UIMC1: variants seen among roughly 807,000 people sequenced by gnomAD.
UIMC1 encodes the protein ubiquitin interaction motif containing 1.
Under a neutral mutation model 84.9 loss-of-function variants are expected in UIMC1, and 42 were observed. The observed-to-expected ratio is 0.49, with a 90% CI of 0.39 to 0.64. The LOEUF is 0.64. Ranked by LOEUF, UIMC1 falls within the 30% of genes least tolerant of loss-of-function variation. The pLI is 0.00. For synonymous variants in UIMC1, 281 were observed against 293.0 expected, an observed-to-expected ratio of 0.96 and a Z score of 0.42; for missense variants, 825 against 847.6, an observed-to-expected ratio of 0.97 and a Z score of 0.33.
intron 9 of UIMC1, among the ~76,000 whole-genome samples, chr5:176,944,884 C>G (rs1764890127): frequency 6.6e-6 from 1 of 152,190 alleles, no homozygotes; most frequent in Non-Finnish European, 1.5e-5. Flanking sequence ...TGAGTTCTTA[C>G]ACTATGCAGG....
At position 176,943,600 on chromosome 5, in the gene UIMC1, A is replaced by G. The variant is rs1764720958; in HGVS notation, c.1444-112T>C. 4 of 1,320,686 alleles carry G rather than the reference A, an allele frequency of 3.0e-6. No individual in the cohort carries two copies. In the South Asian group the frequency reaches 4.2e-5, roughly 14 times the overall value. The allele number at this position is 1,320,686 out of a possible 1,614,324, so 81.8% of individuals were successfully genotyped here. On this transcript the variant is annotated intron_variant, in intron 9 of 14. Transcript: ENST00000511320. ...CACTTACTTTCAAAGAGACAACAACAGCTTATCAAATTCAGGAGTAAAGAT... is the reference window on the plus strand; with the variant it reads ...CACTTACTTTCAAAGAGACAACAACGGCTTATCAAATTCAGGAGTAAAGAT...
intron 9 of UIMC1, among the ~76,000 whole-genome samples, chr5:176,949,065 T>C (rs1254149148): frequency 1.3e-5 from 2 of 152,046 alleles, no homozygotes; most frequent in Admixed American, 1.3e-4. Context: ...CTTGGTCTAG[T>C]AGTTAAAACT....
intron 8 of UIMC1, among the ~76,000 whole-genome samples, chr5:176,952,768 G>C (rs1050105075): frequency 6.6e-6 from 1 of 152,098 alleles, no homozygotes; most frequent in African/African-American, 2.4e-5. Context: ...CTGCACTCCA[G>C]CCTGAGTTAC....
Position 176,907,090 on chromosome 5 carries a change from G to C in UIMC1, c.1912+24C>G, listed in dbSNP as rs1007687553. ...CTGAAAGGCCTTAGGCAGAAGCCCAGAAAACTGGTCCTGGGGTCCTCACCT... is the reference window on the plus strand; with the variant it reads ...CTGAAAGGCCTTAGGCAGAAGCCCACAAAACTGGTCCTGGGGTCCTCACCT... On this transcript the variant is annotated intron_variant, in intron 13 of 14. Coordinates refer to ENST00000511320, the MANE Select transcript of UIMC1 (RefSeq NM_001199298.2). The C allele has an allele frequency of 1.9e-6, 3 of 1,612,544 alleles. No individual in the cohort carries two copies. In the African/African-American group the frequency reaches 4.0e-5, roughly 22 times the overall value.
intron 2 of UIMC1, chr5:176,980,235 A>G (rs559180936): frequency 6.6e-6 from 1 of 152,258 alleles, no homozygotes; most frequent in African/African-American, 2.4e-5. Context: ...TGAATGAGCC[A>G]ATTCCCCTAA....
chr5:176,999,814 A>C (rs1774181770), intron 1 of UIMC1, among the ~76,000 whole-genome samples: 1 of 152,204 alleles, frequency 6.6e-6, no homozygotes, highest in African/African-American at 2.4e-5. Context: ...TGATGGACAC[A>C]GATTGATTCC....
intron 2 of UIMC1, among the ~76,000 whole-genome samples, chr5:176,981,850 T>C (rs900264181): frequency 8.6e-5 from 13 of 151,988 alleles, no homozygotes; most frequent in African/African-American, 3.1e-4. Flanking sequence ...ATGACTTAAT[T>C]CACTGCCTTT....
intron 3 of UIMC1, among the ~76,000 whole-genome samples, chr5:176,971,505 G>A (rs78436493): frequency 3.9e-5 from 6 of 152,284 alleles, no homozygotes; most frequent in Admixed American, 2.0e-4. Flanking sequence ...GAGTCATATC[G>A]AAAGAACTTA....
Position 176,923,259 on chromosome 5 carries a change from C to A in UIMC1, c.1598-11870G>T, listed in dbSNP as rs1217975406. 2.6e-5 allele frequency among the ~76,000 whole-genome samples: 4 copies of A among 152,118 alleles called. No homozygotes were observed. In the East Asian group the frequency reaches 7.7e-4, roughly 29 times the overall value. ...GCATGACCCAATGGTATGCTGTCTA[C>A]AGGAGACACATTTTAAAAATAAAAA... On this transcript the variant is annotated intron_variant, in intron 10 of 14. Coordinates refer to ENST00000511320, the MANE Select transcript of UIMC1 (RefSeq NM_001199298.2).
chr5:176,952,851 T>G (rs1032614739), intron 8 of UIMC1, among the ~76,000 whole-genome samples: 1 of 151,932 alleles, frequency 6.6e-6, no homozygotes, highest in African/African-American at 2.4e-5. Context: ...TCACTTAATA[T>G]AACAACAATA....
intron 10 of UIMC1, among the ~76,000 whole-genome samples, chr5:176,928,431 C>A (rs1762656488): frequency 6.6e-6 from 1 of 152,162 alleles, no homozygotes; most frequent in African/African-American, 2.4e-5. Flanking sequence ...GACACAATAA[C>A]TGTTAACAAT....
intron 9 of UIMC1, among the ~76,000 whole-genome samples, chr5:176,944,821 G>T (rs1467703362): frequency 3.9e-5 from 6 of 152,160 alleles, no homozygotes; most frequent in Non-Finnish European, 8.8e-5. Flanking sequence ...TTTATTAAAA[G>T]ACATACTCTA....
At chr5:176,909,855 CTT>C (rs1353571275) in intron 11 of UIMC1, among the ~76,000 whole-genome samples, 1 of 152,192 alleles carries the variant, frequency 6.6e-6, no homozygotes, top group Non-Finnish European at 1.5e-5. Context: ...GTTGGACAGA[CTT>C]TATCACTTCT....
At chr5:176,940,587 A>AT (rs376624472) in intron 10 of UIMC1, among the ~76,000 whole-genome samples, 2 of 152,152 alleles carry the variant, frequency 1.3e-5, no homozygotes, top group Non-Finnish European at 2.9e-5. Context: ...TAAAAAAAAA[A>AT]CAATCAGACT....
chr5:176,970,629 A>T, intron 4 of UIMC1, 113 bp downstream of exon 4: 2 of 1,527,944 alleles, frequency 1.3e-6, no homozygotes, highest in Non-Finnish European at 1.8e-6. Context: ...AATTTTTGTT[A>T]GGTGAAAACC....
At chr5:177,019,472 C>CA (rs1288320441) in intron 1 of UIMC1, among the ~76,000 whole-genome samples, 191 of 148,750 alleles carry the variant, frequency 1.3e-3, no homozygotes, top group African/African-American at 4.3e-3. Flanking sequence ...CCTGTCTCTA[C>CA]AAAAAAAAAA....
intron 9 of UIMC1, among the ~76,000 whole-genome samples, chr5:176,948,120 T>A (rs1002499127): frequency 1.3e-5 from 2 of 152,320 alleles, no homozygotes; most frequent in Non-Finnish European, 1.5e-5. Context: ...TCTGGAGGAC[T>A]CTGAATAACT....
chr5:176,950,819 G>A (rs989882804), intron 9 of UIMC1, among the ~76,000 whole-genome samples: 193 of 152,172 alleles, frequency 1.3e-3, no homozygotes, highest in African/African-American at 4.4e-3. Flanking sequence ...GCAGTGAGCC[G>A]AGATCGTGCC....
chr5:176,905,568 G>A, intron 14 of UIMC1, 76 bp from the exon 15 acceptor site: 1 of 1,311,396 alleles, frequency 7.6e-7, no homozygotes, highest in South Asian at 1.3e-5. Flanking sequence ...CTGTATCAGG[G>A]GATTTTACAT....
Sources: allele counts gnomAD v4.1 joint callset (sites outside exome capture counted in the v4.1 genomes callset), GRCh38; gene constraint gnomAD v4.1.1; transcripts MANE v1.5; gene names NCBI Gene and HGNC (gene_info 2026-07-23, HGNC 2026-07-21).